The following ESYT3 variants were observed in gnomAD, a reference collection of about 807,000 sequenced individuals.
ESYT3 encodes the protein extended synaptotagmin-3.
ESYT3 carries 101 observed loss-of-function variants against 111.5 expected under a neutral mutation model. The observed-to-expected ratio is 0.91, with a 90% CI of 0.77 to 1.07. The LOEUF is 1.07. ESYT3 is among the 50% of genes least tolerant of loss of function. ESYT3 has a pLI of 0.00. For missense variants in ESYT3, 1,097 were observed against 1,109.4 expected (o/e 0.99, Z 0.16); for synonymous variants, 416 against 446.8 (o/e 0.93, Z 0.87).
At chr3:138,457,672 T>C in intron 4 of ESYT3, 28 bp downstream of exon 4, 2 of 1,610,470 alleles carry the variant, frequency 1.2e-6, no homozygotes, top group Non-Finnish European at 1.7e-6. Context: ...GGGTATGGGC[T>C]TCGGGGTGCA....
chr3:138,475,483 T>A (rs1313119204), intron 20 of ESYT3, among the ~76,000 whole-genome samples: 2 of 152,180 alleles, frequency 1.3e-5, no homozygotes, highest in Non-Finnish European at 2.9e-5. Context: ...TCTGCCTTAC[T>A]CCATAGGAGG....
In ESYT3 at chr3:138,468,176, C is replaced by T. The variant is rs2033029057; in HGVS notation, c.1290C>T (p.Asp430=). 1 of 1,613,952 alleles carries T rather than the reference C, an allele frequency of 6.2e-7. No individual in the cohort carries two copies. Reference sequence around the variant, plus strand: ...TGGAGTGGCTTTCATTGCTTACTGACCAAGAAGTTCTGACTGAGGTGAGTG... The same window carrying T: ...TGGAGTGGCTTTCATTGCTTACTGATCAAGAAGTTCTGACTGAGGTGAGTG... The part of the protein sequence containing the change: ...LRLEWLSLLT[D]QEVLTEDHGG... The change falls in exon 12 of 23, where the codon GAC becomes GAT. Residue 430 remains aspartate, a synonymous_variant. Coordinates refer to ENST00000389567, the MANE Select transcript of ESYT3 (RefSeq NM_031913.5).
chr3:138,476,806 A>G lies in ESYT3; in HGVS notation c.2625-12A>G. On this transcript the variant is annotated splice_polypyrimidine_tract_variant and intron_variant, in intron 22 of 22. Coordinates refer to ENST00000389567, the MANE Select transcript of ESYT3 (RefSeq NM_031913.5). ...ATTACTAACGTTAAGTCCAAACGTA[A>G]CTGTCTTACAGGTATGAGCTGACTC... 1 of 1,613,770 alleles carries G rather than the reference A, an allele frequency of 6.2e-7. No homozygotes were observed. Among genetic ancestry groups the G allele is most frequent in the Non-Finnish European group, 8.5e-7 (1 of 1,179,720 alleles).
At chr3:138,450,722 G>A (rs780738035) in intron 1 of ESYT3, among the ~76,000 whole-genome samples, 1 of 152,234 alleles carries the variant, frequency 6.6e-6, no homozygotes, top group South Asian at 2.1e-4. Flanking sequence ...GATCCTGAAC[G>A]AGTGCTGCAG....
chr3:138,472,713 TCCA>T lies in ESYT3; in HGVS notation c.2092_2094del (p.Pro698del). On this transcript the variant is annotated inframe_deletion, in exon 18 of 23. Transcript: ENST00000389567. ...TCCTGACTGTCCCAGGTCCCCACTC[TCCA>T]GGGCCCATCAAGTCACCCAGACCCA... 6.2e-7 allele frequency: 1 copy of T among 1,614,158 alleles called. No individual in the cohort carries two copies. Among genetic ancestry groups the T allele is most frequent in the Non-Finnish European group, 8.5e-7 (1 of 1,180,014 alleles).
chr3:138,470,764 A>G, intron 16 of ESYT3, 113 bp from the exon 17 acceptor site: 1 of 1,548,118 alleles, frequency 6.5e-7, no homozygotes, highest in Non-Finnish European at 8.7e-7. Flanking sequence ...CCAGATGCCC[A>G]TAGAAGCACA....
chr3:138,460,526 C>T (rs763738531), intron 6 of ESYT3, 85 bp from the exon 7 acceptor site: 149 of 1,427,518 alleles, frequency 1.0e-4, no homozygotes, highest in Non-Finnish European at 1.4e-4. Flanking sequence ...TCTCCATTCA[C>T]ATGGGTGTGA....
intron 16 of ESYT3, chr3:138,470,377 C>G (rs961213026): frequency 8.1e-7 from 1 of 1,238,300 alleles, no homozygotes; most frequent in Non-Finnish European, 1.0e-6. Flanking sequence ...CTTGACTTTC[C>G]CTGCAAAAGG....
chr3:138,472,562 C>G lies in ESYT3; in HGVS notation c.1940C>G (p.Thr647Ser). The G allele has an allele frequency of 6.2e-7, 1 of 1,614,228 alleles. No homozygotes were observed. Among genetic ancestry groups the G allele is most frequent in the Middle Eastern group, 1.6e-4 (1 of 6,062 alleles). The change falls in exon 18 of 23, where the codon ACC (threonine) becomes AGC (serine). Residue 647 changes from threonine to serine, a missense_variant. Coordinates refer to ENST00000389567, the MANE Select transcript of ESYT3 (RefSeq NM_031913.5). The stretch of plus-strand genomic sequence containing the variant: ...GACGTATCCAGGAGTACCACAACCA[C>G]CACCAGTGCTACCACCGTTGCCACT... ...TKDVSRSTTT[T>S]TSATTVATEP...
chr3:138,443,325 A>C (rs1345006726), intron 1 of ESYT3, among the ~76,000 whole-genome samples: 1 of 152,250 alleles, frequency 6.6e-6, no homozygotes, highest in African/African-American at 2.4e-5. Flanking sequence ...AAGATTTAAA[A>C]GTAGTTTTAA....
intron 22 of ESYT3, 22 bp from the exon 23 acceptor site, chr3:138,476,796 T>C (rs2033504324): frequency 6.2e-7 from 1 of 1,612,958 alleles, no homozygotes; most frequent in Admixed American, 1.7e-5. Context: ...TAACGTTAAG[T>C]CCAAACGTAA....
chr3:138,452,205 G>T lies in ESYT3; in HGVS notation c.369+116G>T. 6 of 908,268 alleles carry T rather than the reference G, an allele frequency of 6.6e-6. 1 individual carries two copies. The South Asian group carries it at 9.7e-5, about 15-fold the overall frequency. 56.3% of individuals were successfully genotyped at this position (908,268 alleles called of 1,614,324 possible). A position where few individuals can be genotyped will look rare whatever the true frequency, so the allele number is the denominator to read the frequency against. On this transcript the variant is annotated intron_variant, in intron 2 of 22. Transcript: ENST00000389567. The stretch of plus-strand genomic sequence containing the variant: ...GCGGCAATTTCCTTGCCTGACGCGG[G>T]CAGGGATGCTCCCTTTCCCTCTTCT...
At chr3:138,437,118 G>A (rs1213311565) in intron 1 of ESYT3, among the ~76,000 whole-genome samples, 1 of 152,072 alleles carries the variant, frequency 6.6e-6, no homozygotes, top group Non-Finnish European at 1.5e-5. Flanking sequence ...TGACCCAGCT[G>A]GGTAGAGGGA....
intron 1 of ESYT3, among the ~76,000 whole-genome samples, chr3:138,450,047 G>A (rs536664570): frequency 6.6e-6 from 1 of 152,330 alleles, no homozygotes; most frequent in South Asian, 2.1e-4. Flanking sequence ...GGGACACCCA[G>A]AGAGGCTTCC....
Position 138,434,796 on chromosome 3 carries a change from G to C in ESYT3, c.-3G>C. The C allele has an allele frequency of 1.3e-6, 2 of 1,546,450 alleles. No individual in the cohort carries two copies. Among genetic ancestry groups the C allele is most frequent in the Non-Finnish European group, 1.7e-6 (2 of 1,151,024 alleles). ...TCGGGAAGGGCAAGACTGCGGCGAC[G>C]AGATGCGAGCAGAGGAGCCCTGCGC... On this transcript the variant is annotated 5_prime_UTR_variant, in exon 1 of 23. Transcript: ENST00000389567.
Position 138,465,364 on chromosome 3 carries a change from A to G in ESYT3, c.1112A>G (p.Gln371Arg). ...FEFMVYEVPG[Q>R]DLEVDLYDED... ...TTCATGGTGTACGAAGTCCCTGGAC[A>G]GGACCTGGAGGTAGACCTGTATGAT... The change falls in exon 10 of 23, where the codon CAG becomes CGG. Residue 371 changes from glutamine (Q) to arginine (R), a missense_variant. Transcript: ENST00000389567. 3.8e-6 allele frequency: 6 copies of G among 1,596,314 alleles called. No homozygotes were observed. The highest frequency in any genetic ancestry group is 1.3e-5 in the African/African-American group (1 of 74,882).
chr3:138,448,910 G>A (rs1261393696), intron 1 of ESYT3, among the ~76,000 whole-genome samples: 2 of 152,004 alleles, frequency 1.3e-5, no homozygotes, highest in Non-Finnish European at 1.5e-5. Context: ...GAGAATTGAG[G>A]TCTCTTATTT....
chr3:138,469,742 G>A lies in ESYT3; in HGVS notation c.1503+238G>A, dbSNP rs2033121064. Among the ~76,000 whole-genome samples, 3 of 152,178 alleles carry A rather than the reference G, an allele frequency of 2.0e-5. 1 individual carries two copies. The South Asian group carries it at 6.2e-4, about 32-fold the overall frequency. On this transcript the variant is annotated intron_variant, in intron 15 of 22. Transcript: ENST00000389567. ...GTTCAAGCTTGGGCATGGTTCTGAA[G>A]CCCATGTCCTTTCCACCAATCATGA...
At chr3:138,447,327 C>T (rs1170399877) in intron 1 of ESYT3, among the ~76,000 whole-genome samples, 1 of 152,106 alleles carries the variant, frequency 6.6e-6, no homozygotes, top group African/African-American at 2.4e-5. Flanking sequence ...ACAGACTGTT[C>T]AGGCCACAAA....
Sources: allele counts gnomAD v4.1 joint callset (sites outside exome capture counted in the v4.1 genomes callset), GRCh38; gene constraint gnomAD v4.1.1; transcripts MANE v1.5; gene names NCBI Gene and HGNC (gene_info 2026-07-23, HGNC 2026-07-21).